NELFB: variants seen among roughly 807,000 people sequenced by gnomAD.
The protein encoded by NELFB is negative elongation factor complex member B.
A neutral mutation model predicts 60.2 loss-of-function variants in NELFB; 34 were observed. That is an observed-to-expected ratio of 0.56 (90% CI 0.43 to 0.75). The LOEUF (loss-of-function observed/expected upper bound fraction) is 0.75. Among genes scored for constraint, NELFB ranks in the 30% least tolerant of loss-of-function variants. The pLI, the probability that NELFB is intolerant of heterozygous loss-of-function variation, is 0.00. For missense variants in NELFB, 770 were observed against 831.6 expected (o/e 0.93, Z 0.91); for synonymous variants, 459 against 382.1 (o/e 1.20, Z -2.35).
Position 137,273,107 on chromosome 9 carries a change from C to T in NELFB, c.*179C>T. On this transcript the variant is annotated 3_prime_UTR_variant, in exon 13 of 13. Transcript: ENST00000343053. Reference sequence around the variant, plus strand: ...CTTGGAGCTGGCTCCCGGACCTTGCCCACCATCCATGCAGTGGCTCCCAGG... The same window carrying T: ...CTTGGAGCTGGCTCCCGGACCTTGCTCACCATCCATGCAGTGGCTCCCAGG... The T allele has an allele frequency of 1.6e-6, 1 of 625,134 alleles. No homozygotes were observed. Among genetic ancestry groups the T allele is most frequent in the Non-Finnish European group, 2.6e-6 (1 of 387,848 alleles). The allele number at this position is 625,134 out of a possible 1,614,324, so 38.7% of individuals were successfully genotyped here. A position where few individuals can be genotyped will look rare whatever the true frequency, so the allele number is the denominator to read the frequency against.
In NELFB at chr9:137,263,117, C is replaced by T. The variant is rs761374422; in HGVS notation, c.822C>T (p.Phe274=). Reference sequence around the variant, plus strand: ...TGCTGCAGTTTCTGCGCACGCTCTTCCTGCGCACGCGGAATGTGCACTACT... The same window carrying T: ...TGCTGCAGTTTCTGCGCACGCTCTTTCTGCGCACGCGGAATGTGCACTACT... Residue 274 remains phenylalanine (F), a synonymous_variant, in exon 5 of 13, where the codon TTC becomes TTT. Transcript: ENST00000343053. 1.4e-5 allele frequency: 23 copies of T among 1,613,980 alleles called. No individual in the cohort carries two copies. The highest frequency in any genetic ancestry group is 1.6e-4 in the Middle Eastern group (1 of 6,084).
At position 137,269,485 on chromosome 9, in the gene NELFB, A is replaced by ACAGT. The variant is rs1349561962; in HGVS notation, c.1489+2142_1489+2145dup. ...TTTGCCTTGGCCTGCCCACTGCAGT[A>ACAGT]CAGTCACGTGTCACATAACATTCTG... On this transcript the variant is annotated intron_variant, in intron 10 of 12. Transcript: ENST00000343053. The surrounding 1 kb of genome is among the most constrained non-coding windows in gnomAD (Gnocchi z 5.3). Among the ~76,000 whole-genome samples the ACAGT allele has an allele frequency of 4.3e-4, 66 of 152,272 alleles. No individual in the cohort carries two copies. Among genetic ancestry groups the ACAGT allele is most frequent in the African/African-American group, 1.4e-3 (58 of 41,472 alleles).
At chr9:137,258,042 C>G (rs142120456) in intron 4 of NELFB, among the ~76,000 whole-genome samples, 1 of 144,894 alleles carries the variant, frequency 6.9e-6, no homozygotes, top group African/African-American at 2.6e-5. Flanking sequence ...TGGGCTGAAG[C>G]GATCCTCCCA....
At position 137,266,315 on chromosome 9, in the gene NELFB, C is replaced by T. The variant is rs1037344398; in HGVS notation, c.1144-16C>T. The stretch of plus-strand genomic sequence containing the variant: ...ACAGCTGCCTGGGAGAGGCGCTGAG[C>T]CCGTCCTCCCTACAGGACAGCCCCG... On this transcript the variant is annotated splice_polypyrimidine_tract_variant and intron_variant, in intron 7 of 12. Coordinates refer to ENST00000343053, the MANE Select transcript of NELFB (RefSeq NM_015456.5). 2 of 1,606,864 alleles carry T rather than the reference C, an allele frequency of 1.2e-6. No individual in the cohort carries two copies. The highest frequency in any genetic ancestry group is 1.7e-5 in the Admixed American group (1 of 59,624).
At chr9:137,266,005 G>A in intron 7 of NELFB, 26 bp downstream of exon 7, 1 of 1,553,332 alleles carries the variant, frequency 6.4e-7, no homozygotes, top group Non-Finnish European at 8.9e-7. Context: ...GCCAGCAGCT[G>A]TCGGGGCCAT....
chr9:137,256,455 G>T (rs1222800358), intron 3 of NELFB, 27 bp downstream of exon 3: 19 of 1,597,816 alleles, frequency 1.2e-5, no homozygotes, highest in Admixed American at 1.7e-5. Flanking sequence ...AACCCTGATG[G>T]CGTGGACCGT....
In NELFB at chr9:137,273,142, C is replaced by T; in HGVS notation, c.*214C>T. On this transcript the variant is annotated 3_prime_UTR_variant, in exon 13 of 13. Transcript: ENST00000343053. The stretch of plus-strand genomic sequence containing the variant: ...TGCAGTGGCTCCCAGGGCAGAGCCT[C>T]TCCTTGTACTTTGGCAGCCATAGAA... 1 of 454,848 alleles carries T rather than the reference C, an allele frequency of 2.2e-6. No homozygotes were observed. The highest frequency in any genetic ancestry group is 3.8e-6 in the Non-Finnish European group (1 of 261,124). The allele number at this position is 454,848 out of a possible 1,614,324, so 28.2% of individuals were successfully genotyped here.
chr9:137,270,280 CAAAAAAAAAA>C (rs989557010), intron 10 of NELFB, among the ~76,000 whole-genome samples: 1 of 53,300 alleles, frequency 1.9e-5, no homozygotes, highest in African/African-American at 6.9e-5. Context: ...GACTCCGTCT[CAAAAAAAAAA>C]AAAAAAAAAA....
At chr9:137,272,391 G>A in intron 11 of NELFB, 116 bp from the exon 12 acceptor site, 2 of 1,441,922 alleles carry the variant, frequency 1.4e-6, no homozygotes, top group South Asian at 2.6e-5. Context: ...AGCTGGGGAG[G>A]GTCCCAAAGG....
intron 4 of NELFB, among the ~76,000 whole-genome samples, chr9:137,258,517 C>T (rs1255840043): frequency 9.3e-5 from 14 of 150,268 alleles, no homozygotes; most frequent in Middle Eastern, 3.4e-3. Flanking sequence ...GCCTCAATCT[C>T]GGCTCACTGT....
Position 137,261,979 on chromosome 9 carries a change from CAG to C in NELFB, c.742-1043_742-1042del, listed in dbSNP as rs61420748. Among the ~76,000 whole-genome samples, 622 of 150,112 alleles carry C rather than the reference CAG, an allele frequency of 4.1e-3. 2 individuals carry two copies. The highest frequency in any genetic ancestry group is 6.6e-3 in the Non-Finnish European group (443 of 67,360). On this transcript the variant is annotated intron_variant, in intron 4 of 12. Coordinates refer to ENST00000343053, the MANE Select transcript of NELFB (RefSeq NM_015456.5). The stretch of plus-strand genomic sequence containing the variant: ...GCCCTTCCCTGCCTGGCAGCCTAGG[CAG>C]AGAGAGAGAGAGAGGAGAGAGAGAA...
At chr9:137,260,397 T>G (rs531100459) in intron 4 of NELFB, among the ~76,000 whole-genome samples, 1 of 92,648 alleles carries the variant, frequency 1.1e-5, no homozygotes, top group Non-Finnish European at 2.5e-5. Context: ...TTTTTTAAAA[T>G]TTTTTTTATT....
At position 137,262,970 on chromosome 9, in the gene NELFB, G is replaced by T; in HGVS notation, c.742-67G>T. The T allele has an allele frequency of 7.1e-6, 11 of 1,558,268 alleles. No homozygotes were observed. The South Asian group carries it at 1.1e-4, about 16-fold the overall frequency. ...AGAGAGAGGGCCGCGCTGTCGCCGG[G>T]CGTGACGTCCCTGTGTCTGGCGGAG... is the stretch of plus-strand genomic sequence containing the variant. On this transcript the variant is annotated intron_variant, in intron 4 of 12. Coordinates refer to ENST00000343053, the MANE Select transcript of NELFB (RefSeq NM_015456.5).
intron 4 of NELFB, among the ~76,000 whole-genome samples, chr9:137,257,470 C>CCGCCA (rs928079265): frequency 9.3e-5 from 14 of 150,670 alleles, no homozygotes; most frequent in African/African-American, 3.2e-4. Flanking sequence ...CTACAGGCGC[C>CCGCCA]CGCCACCATG....
At position 137,272,095 on chromosome 9, in the gene NELFB, G is replaced by A. The variant is rs767790272; in HGVS notation, c.1504G>A (p.Asp502Asn). 8.1e-6 allele frequency: 13 copies of A among 1,614,046 alleles called. No homozygotes were observed. The highest frequency in any genetic ancestry group is 1.1e-5 in the South Asian group (1 of 91,076). Reference sequence around the variant, plus strand: ...TGTGTCTGCAGTGGAGACCTTTGGCGACTTGGCCTTTGGCGACATCTTCCT... The same window carrying A: ...TGTGTCTGCAGTGGAGACCTTTGGCAACTTGGCCTTTGGCGACATCTTCCT... The change falls in exon 11 of 13, where the codon GAC becomes AAC. Residue 502 changes from aspartate (D) to asparagine (N), a missense_variant. Transcript: ENST00000343053.
chr9:137,266,629 G>A (rs146832258), intron 8 of NELFB, among the ~76,000 whole-genome samples: 2,351 of 152,154 alleles, frequency 0.015, 23 homozygotes, highest in Non-Finnish European at 0.022. Flanking sequence ...CTGGTTCTGG[G>A]GTATCTCCAT....
intron 9 of NELFB, 74 bp from the exon 10 acceptor site, chr9:137,267,165 TG>T (rs1473904661): frequency 6.2e-7 from 1 of 1,610,796 alleles, no homozygotes; most frequent in East Asian, 2.2e-5. Context: ...GCCTCAGGGC[TG>T]GGCAGGGGTC....
intron 10 of NELFB, among the ~76,000 whole-genome samples, chr9:137,271,052 C>T (rs76074520): frequency 0.012 from 1,860 of 152,386 alleles, 39 homozygotes; most frequent in African/African-American, 0.042. Context: ...GCTGTGTGGA[C>T]GGTCCCGTCA....
intron 11 of NELFB, 59 bp from the exon 12 acceptor site, chr9:137,272,448 T>G (rs979040800): frequency 7.2e-6 from 11 of 1,535,720 alleles, no homozygotes; most frequent in African/African-American, 4.1e-5. Flanking sequence ...GCATCTGGGC[T>G]GGGCCTGGGC....
Sources: allele counts gnomAD v4.1 joint callset (sites outside exome capture counted in the v4.1 genomes callset), GRCh38; gene constraint gnomAD v4.1.1; non-coding constraint Gnocchi (gnomAD v3.1); transcripts MANE v1.5; gene names NCBI Gene and HGNC (gene_info 2026-07-23, HGNC 2026-07-21).